The following ECHS1 variants were observed in gnomAD, a reference collection of about 807,000 sequenced individuals.
ECHS1 encodes enoyl-CoA hydratase, mitochondrial.
ECHS1 carries 19 observed loss-of-function variants against 33.5 expected under a neutral mutation model. That is an observed-to-expected ratio of 0.57 (90% confidence interval 0.40 to 0.83). ECHS1 has a LOEUF of 0.83. Ranked by LOEUF, ECHS1 falls within the 40% of genes least tolerant of loss-of-function variation. The probability of loss-of-function intolerance (pLI) is 0.00; values close to 1 mark genes in which losing one functional copy is unlikely to be tolerated. For missense variants in ECHS1, 365 were observed against 381.3 expected (o/e 0.96, Z 0.36); for synonymous variants, 158 against 146.6 (o/e 1.08, Z -0.56).
chr10:133,370,798 T>C, intron 1 of ECHS1, 41 bp from the exon 2 acceptor site: 1 of 1,576,058 alleles, frequency 6.3e-7, no homozygotes, highest in East Asian at 2.3e-5. Flanking sequence ...TTCACACAGG[T>C]ATCAAACTGG....
chr10:133,368,748 C>G (rs982862402), intron 4 of ECHS1, among the ~76,000 whole-genome samples, 175 bp downstream of exon 4: 3 of 152,206 alleles, frequency 2.0e-5, no homozygotes, highest in African/African-American at 7.2e-5. Flanking sequence ...AGGCCCCCCC[C>G]AAGCTCTGTC....
rs1436460405 is a variant in ECHS1, at chr10:133,368,093, C to T, written c.514+830G>A. 6.6e-5 allele frequency among the ~76,000 whole-genome samples: 10 copies of T among 152,304 alleles called. No homozygotes were observed. The East Asian group carries it at 1.5e-3, about 24-fold the overall frequency. ...CTTTGTCTTGTGTCTTTATTTCTTA[C>T]AATCTCTCGTCTCCGCACATGGGGA... is the stretch of plus-strand genomic sequence containing the variant. On this transcript the variant is annotated intron_variant, in intron 4 of 7. Coordinates refer to ENST00000368547, the MANE Select transcript of ECHS1 (RefSeq NM_004092.4).
At chr10:133,366,535 C>A (rs370845021) in intron 5 of ECHS1, among the ~76,000 whole-genome samples, 25 of 152,286 alleles carry the variant, frequency 1.6e-4, no homozygotes, top group East Asian at 5.8e-4. Flanking sequence ...CAGTCTTCTC[C>A]CAGGTCCTCA....
At chr10:133,366,687 G>GT (rs1417366497) in intron 5 of ECHS1, among the ~76,000 whole-genome samples, 9 of 149,104 alleles carry the variant, frequency 6.0e-5, no homozygotes, top group African/African-American at 2.1e-4. Flanking sequence ...ATGCAGCTCT[G>GT]GGTTTCTGTG....
chr10:133,363,552 G>A (rs1204865343), intron 7 of ECHS1, among the ~76,000 whole-genome samples: 1 of 152,252 alleles, frequency 6.6e-6, no homozygotes, highest in Non-Finnish European at 1.5e-5. Context: ...GGGAGGCCGA[G>A]GCAGGCAGAT....
rs1849144997 is a variant in ECHS1, at chr10:133,373,348, C to T, written c.-15G>A. The T allele has an allele frequency of 1.3e-6, 2 of 1,492,366 alleles. No homozygotes were observed. Among genetic ancestry groups the T allele is most frequent in the Non-Finnish European group, 1.8e-6 (2 of 1,127,696 alleles). 92.4% of individuals were successfully genotyped at this position (1,492,366 alleles called of 1,614,324 possible). ...AGGGCGGCCATGGCTCTCTGGACTC[C>T]TCGCCCGGCCCCGCGGAGCCGCCCC... On this transcript the variant is annotated 5_prime_UTR_variant, in exon 1 of 8. Transcript: ENST00000368547.
At chr10:133,368,766 C>T (rs908162587) in intron 4 of ECHS1, among the ~76,000 whole-genome samples, 157 bp downstream of exon 4, 2 of 152,204 alleles carry the variant, frequency 1.3e-5, no homozygotes, top group Non-Finnish European at 2.9e-5. Flanking sequence ...GTCACAACCA[C>T]TCTAGCCTCC....
intron 7 of ECHS1, among the ~76,000 whole-genome samples, 191 bp from the exon 8 acceptor site, chr10:133,363,124 CCT>C (rs1307396436): frequency 6.6e-6 from 1 of 152,214 alleles, no homozygotes; most frequent in Non-Finnish European, 1.5e-5. Flanking sequence ...ATTTTCACGG[CCT>C]CTCTCTACCA....
At position 133,364,698 on chromosome 10, in the gene ECHS1, C is replaced by T. The variant is rs1849006703; in HGVS notation, c.767G>A (p.Ser256Asn). The change falls in exon 7 of 8, where the codon AGT becomes AAT. Residue 256 changes from serine (S) to asparagine (N), a missense_variant. Ser to Asn is a conservative substitution (Grantham distance 46, BLOSUM62 1). Coordinates refer to ENST00000368547, the MANE Select transcript of ECHS1 (RefSeq NM_004092.4). ...ATAAAAGAGTTTCTTCTCCAACTTACTTCCTTCTGTTAATGTCATTTCAAA... is the reference window on the plus strand; with the variant it reads ...ATAAAAGAGTTTCTTCTCCAACTTATTTCCTTCTGTTAATGTCATTTCAAA... Reference protein sequence around the residue: ...AAFEMTLTEGSKLEKKLFYST... With the variant: ...AAFEMTLTEGNKLEKKLFYST... The T allele has an allele frequency of 3.7e-6, 6 of 1,613,890 alleles. No individual in the cohort carries two copies. The highest frequency in any genetic ancestry group is 5.1e-6 in the Non-Finnish European group (6 of 1,179,860).
intron 1 of ECHS1, among the ~76,000 whole-genome samples, chr10:133,371,922 G>A (rs767966257): frequency 6.6e-6 from 1 of 151,908 alleles, no homozygotes; most frequent in Non-Finnish European, 1.5e-5. Flanking sequence ...TCAGCCTCCC[G>A]AGTAGCTGGG....
At chr10:133,365,937 A>G (rs771253361) in intron 6 of ECHS1, 39 bp downstream of exon 6, 1 of 1,610,200 alleles carries the variant, frequency 6.2e-7, no homozygotes, top group South Asian at 1.1e-5. Flanking sequence ...CCTGACAGCC[A>G]CGGAGACCTC....
chr10:133,364,247 T>G (rs1849002090), intron 7 of ECHS1, among the ~76,000 whole-genome samples: 1 of 152,134 alleles, frequency 6.6e-6, no homozygotes. Flanking sequence ...CCCGGCCTCA[T>G]TTTTTAAAAA....
chr10:133,366,966 C>A lies in ECHS1; in HGVS notation c.542G>T (p.Arg181Leu), dbSNP rs1354738022. 3.7e-6 allele frequency: 6 copies of A among 1,612,560 alleles called. No individual in the cohort carries two copies. Among genetic ancestry groups the A allele is most frequent in the Non-Finnish European group, 5.1e-6 (6 of 1,179,966 alleles). The change falls in exon 5 of 8, where the codon CGT becomes CTT. Residue 181 changes from arginine (R) to leucine (L), a missense_variant. By Grantham distance (102) the Arg-to-Leu change is moderately radical (BLOSUM62 -2). Coordinates refer to ENST00000368547, the MANE Select transcript of ECHS1 (RefSeq NM_004092.4). ...CATCGCCAGCGACTTCCCAACAGCACGGGTGAGTCTCTGGGTGCCGCCCGC... is the reference window on the plus strand; with the variant it reads ...CATCGCCAGCGACTTCCCAACAGCAAGGGTGAGTCTCTGGGTGCCGCCCGC... ...PGAGGTQRLTRAVGKSLAMEM... is the reference protein window; with the variant it reads ...PGAGGTQRLTLAVGKSLAMEM...
chr10:133,363,375 A>G (rs1564802650), intron 7 of ECHS1, among the ~76,000 whole-genome samples: 4 of 104,016 alleles, frequency 3.8e-5, no homozygotes, highest in African/African-American at 1.3e-4. Flanking sequence ...ACACACACAC[A>G]CACACACACG....
At chr10:133,368,397 C>T (rs1381514433) in intron 4 of ECHS1, among the ~76,000 whole-genome samples, 1 of 25,148 alleles carries the variant, frequency 4.0e-5, no homozygotes, top group African/African-American at 4.5e-5. Context: ...CTGCTCCCCT[C>T]AGGGTCTCAG....
At chr10:133,366,194 C>A in intron 5 of ECHS1, 99 bp from the exon 6 acceptor site, 2 of 1,448,854 alleles carry the variant, frequency 1.4e-6, no homozygotes, top group East Asian at 2.4e-5. Context: ...CTGGAGCACC[C>A]CAGCCTCTGG....
intron 5 of ECHS1, among the ~76,000 whole-genome samples, chr10:133,366,494 A>G (rs972679439): frequency 1.3e-5 from 2 of 152,270 alleles, no homozygotes; most frequent in African/African-American, 2.4e-5. Flanking sequence ...CCGTACATAC[A>G]GTACTTCAAA....
chr10:133,370,189 G>A (rs1849085408), intron 2 of ECHS1, among the ~76,000 whole-genome samples, 158 bp from the exon 3 acceptor site: 1 of 152,240 alleles, frequency 6.6e-6, no homozygotes, highest in Non-Finnish European at 1.5e-5. Context: ...CTGTAGGGAC[G>A]CTGTAATGCC....
At chr10:133,367,311 G>A (rs190753073) in intron 4 of ECHS1, among the ~76,000 whole-genome samples, 1 of 151,552 alleles carries the variant, frequency 6.6e-6, no homozygotes, top group African/African-American at 2.4e-5. Flanking sequence ...TAGATATAGA[G>A]ATGATCATGG....
Sources: gnomAD v4.1 joint callset for allele counts (sites outside exome capture counted in the v4.1 genomes callset) on GRCh38, gnomAD v4.1.1 for gene constraint, MANE v1.5 for transcripts, NCBI Gene and HGNC (gene_info 2026-07-23, HGNC 2026-07-21) for gene names.